Variants in SLC4A7 observed in about 807,000 individuals in gnomAD.
SLC4A7 encodes the protein sodium bicarbonate cotransporter 3.
A neutral mutation model predicts 137.6 loss-of-function variants in SLC4A7; 51 were observed. That is an observed-to-expected ratio of 0.37 (90% CI 0.30 to 0.47). SLC4A7 has a LOEUF of 0.47. SLC4A7 is among the 20% of genes least tolerant of loss of function. SLC4A7 has a pLI of 1.00. For missense variants in SLC4A7, 1,247 were observed against 1,525.4 expected, an observed-to-expected ratio of 0.82 and a Z score of 3.04; for synonymous variants, 542 against 518.6, an observed-to-expected ratio of 1.05 and a Z score of -0.61.
At chr3:27,469,060 T>TAA (rs2059127756) in intron 1 of SLC4A7, among the ~76,000 whole-genome samples, 2 of 151,744 alleles carry the variant, frequency 1.3e-5, no homozygotes, top group African/African-American at 4.8e-5. Flanking sequence ...TGAGCTGATT[T>TAA]TGCACCACTA....
Position 27,373,309 on chromosome 3 carries a change from A to G in SLC4A7, c.*3455T>C, listed in dbSNP as rs1272790144. The G allele has an allele frequency of 6.6e-6, 1 of 152,132 alleles. No individual in the cohort carries two copies. Among genetic ancestry groups the G allele is most frequent in the Non-Finnish European group, 1.5e-5 (1 of 67,988 alleles). 9.4% of individuals were successfully genotyped at this position (152,132 alleles called of 1,614,324 possible). ...TTTTTGAAAAGTTAGAAAAGAAACCAATTTATATGAAGATTGCCAAATTTT... is the reference window on the plus strand; with the variant it reads ...TTTTTGAAAAGTTAGAAAAGAAACCGATTTATATGAAGATTGCCAAATTTT... On this transcript the variant is annotated 3_prime_UTR_variant, in exon 26 of 26. Coordinates refer to ENST00000454389, the MANE Select transcript of SLC4A7 (RefSeq NM_001321103.2).
At chr3:27,404,018 T>C (rs571954129) in intron 14 of SLC4A7, among the ~76,000 whole-genome samples, 1 of 152,224 alleles carries the variant, frequency 6.6e-6, no homozygotes, top group Non-Finnish European at 1.5e-5. Context: ...CCATCAAATA[T>C]GTAATAGCAT....
intron 3 of SLC4A7, among the ~76,000 whole-genome samples, chr3:27,447,432 T>C (rs990087404): frequency 6.6e-6 from 1 of 152,154 alleles, no homozygotes; most frequent in East Asian, 1.9e-4. Flanking sequence ...ATATTATACA[T>C]AACAACTTTT....
chr3:27,450,917 T>G (rs774584245), intron 2 of SLC4A7, among the ~76,000 whole-genome samples: 26 of 152,210 alleles, frequency 1.7e-4, no homozygotes, highest in Admixed American at 3.3e-4. Context: ...TTAGGGCCTG[T>G]GATAACCAAA....
intron 16 of SLC4A7, among the ~76,000 whole-genome samples, chr3:27,399,467 T>G (rs906484837): frequency 2.0e-5 from 3 of 152,188 alleles, no homozygotes; most frequent in Non-Finnish European, 1.5e-5. Flanking sequence ...CAGGGTCTCA[T>G]TCTGTCGCCC....
intron 22 of SLC4A7, among the ~76,000 whole-genome samples, chr3:27,387,568 G>A (rs1159636749): frequency 6.6e-6 from 1 of 152,088 alleles, no homozygotes; most frequent in Non-Finnish European, 1.5e-5. Flanking sequence ...AAAACTGCAA[G>A]TTTTATAATA....
At chr3:27,397,875 T>C in intron 17 of SLC4A7, 78 bp from the exon 18 acceptor site, 1 of 835,328 alleles carries the variant, frequency 1.2e-6, no homozygotes, top group Non-Finnish European at 1.9e-6. Flanking sequence ...CTTTTATTGA[T>C]AAAATTGTCA....
chr3:27,457,965 C>A (rs1225634014), intron 1 of SLC4A7, among the ~76,000 whole-genome samples: 1 of 152,048 alleles, frequency 6.6e-6, no homozygotes, highest in Non-Finnish European at 1.5e-5. Flanking sequence ...CTGTCAAATG[C>A]CCAAGTATGA....
At chr3:27,428,334 A>G (rs908008797) in intron 7 of SLC4A7, 1 of 154,358 alleles carries the variant, frequency 6.5e-6, no homozygotes, top group East Asian at 1.9e-4. Context: ...AAAAACAGGA[A>G]TAACACCAAC....
At chr3:27,442,493 G>A (rs1017202414) in intron 3 of SLC4A7, among the ~76,000 whole-genome samples, 1 of 151,334 alleles carries the variant, frequency 6.6e-6, no homozygotes, top group African/African-American at 2.4e-5. Context: ...GGGTGCAGTG[G>A]CGCAATCTCG....
chr3:27,453,029 A>G (rs1050054588), intron 1 of SLC4A7, among the ~76,000 whole-genome samples: 1 of 152,208 alleles, frequency 6.6e-6, no homozygotes, highest in Admixed American at 6.5e-5. Flanking sequence ...CTTTTCCCCC[A>G]AAGTAAAATT....
intron 14 of SLC4A7, among the ~76,000 whole-genome samples, chr3:27,404,481 A>G (rs1276728667): frequency 1.3e-5 from 2 of 152,240 alleles, no homozygotes; most frequent in African/African-American, 4.8e-5. Flanking sequence ...AACCTCACCG[A>G]TGGAAACTGA....
At chr3:27,464,536 AAAT>A (rs1470621326) in intron 1 of SLC4A7, among the ~76,000 whole-genome samples, 2 of 151,994 alleles carry the variant, frequency 1.3e-5, no homozygotes, top group Non-Finnish European at 2.9e-5. Flanking sequence ...TCTCCACTAA[AAAT>A]ACAAAAATTA....
intron 11 of SLC4A7, among the ~76,000 whole-genome samples, chr3:27,413,457 GCA>G (rs746113367): frequency 6.6e-6 from 1 of 152,034 alleles, no homozygotes; most frequent in Non-Finnish European, 1.5e-5. Context: ...TGTGAAGATG[GCA>G]CAAAAATCTA....
chr3:27,405,696 G>T (rs939664282), intron 13 of SLC4A7, among the ~76,000 whole-genome samples: 3 of 151,996 alleles, frequency 2.0e-5, no homozygotes, highest in African/African-American at 7.2e-5. Context: ...ATATTTTAAA[G>T]AAATTAATCT....
At chr3:27,448,571 A>G in intron 3 of SLC4A7, 80 bp downstream of exon 3, 1 of 1,251,986 alleles carries the variant, frequency 8.0e-7, no homozygotes, top group Non-Finnish European at 1.1e-6. Context: ...CAATTTTTAA[A>G]AGAAATATTC....
At chr3:27,450,558 C>G (rs544792059) in intron 2 of SLC4A7, among the ~76,000 whole-genome samples, 1 of 152,038 alleles carries the variant, frequency 6.6e-6, no homozygotes, top group Admixed American at 6.6e-5. Context: ...CATCACTGCA[C>G]TGGGAATTAC....
At chr3:27,445,300 A>T (rs528976156) in intron 3 of SLC4A7, among the ~76,000 whole-genome samples, 4 of 152,164 alleles carry the variant, frequency 2.6e-5, no homozygotes, top group African/African-American at 9.6e-5. Flanking sequence ...TCTACACCTC[A>T]AATTCTAGCC....
chr3:27,472,666 A>G (rs2059297843), intron 1 of SLC4A7, among the ~76,000 whole-genome samples: 1 of 152,296 alleles, frequency 6.6e-6, no homozygotes, highest in East Asian at 1.9e-4. Flanking sequence ...TCCAATATGA[A>G]TTCAAATTCT....
Sources: allele counts gnomAD v4.1 joint callset (sites outside exome capture counted in the v4.1 genomes callset), GRCh38; gene constraint gnomAD v4.1.1; transcripts MANE v1.5; gene names NCBI Gene and HGNC (gene_info 2026-07-23, HGNC 2026-07-21).